The following PPFIA3 variants were observed in gnomAD, a reference collection of about 807,000 sequenced individuals.
PPFIA3 encodes the protein PPFI scaffold protein A3, also known as liprin-alpha-3.
Under a neutral mutation model 145.8 loss-of-function variants are expected in PPFIA3, and 26 were observed. The ratio of observed to expected loss-of-function variants is 0.18; its 90% CI spans 0.13 to 0.25. PPFIA3 has a LOEUF of 0.25. Among genes scored for constraint, PPFIA3 ranks in the 10% least tolerant of loss-of-function variants. The probability of loss-of-function intolerance (pLI) is 1.00; values close to 1 mark genes in which losing one functional copy is unlikely to be tolerated. For missense variants in PPFIA3, 1,008 were observed against 1,587.8 expected (o/e 0.63, Z 6.21); for synonymous variants, 645 against 661.4 (o/e 0.98, Z 0.38).
chr19:49,124,088 A>G (rs2040968444), intron 1 of PPFIA3, among the ~76,000 whole-genome samples: 2 of 151,908 alleles, frequency 1.3e-5, no homozygotes, highest in Admixed American at 6.6e-5. Flanking sequence ...AGACACTTGT[A>G]AGTTCCAAGC....
At chr19:49,125,657 G>A (rs926442568) in intron 1 of PPFIA3, among the ~76,000 whole-genome samples, 5 of 152,226 alleles carry the variant, frequency 3.3e-5, no homozygotes, top group Admixed American at 2.0e-4. Flanking sequence ...GGGCCTGGGG[G>A]AGGAGGAGCC....
intron 7 of PPFIA3, 145 bp from the exon 8 acceptor site, chr19:49,132,855 TG>T: frequency 1.0e-6 from 1 of 1,003,048 alleles, no homozygotes. Flanking sequence ...GGACTTAAGA[TG>T]GGCTAGTCCT....
rs1262980718 is a variant in PPFIA3 at position 49,150,123 on chromosome 19, G to A, written c.3570G>A (p.Arg1190=). The change falls in exon 29 of 30, where the codon CGG becomes CGA. Residue 1190 remains arginine, a synonymous_variant. Coordinates refer to ENST00000334186, the MANE Select transcript of PPFIA3 (RefSeq NM_003660.4). ...CCCGGGCAGACGGCGTTTCGGTCCG[G>A]ACCTATTCCTGCTAGTGCAGGCCTC... ...GSSRADGVSV[R]TYSC 1.2e-6 allele frequency: 2 copies of A among 1,611,098 alleles called. No individual in the cohort carries two copies. The highest frequency in any genetic ancestry group is 1.7e-6 in the Non-Finnish European group (2 of 1,179,060).
chr19:49,143,870 GT>G (rs556470104), intron 21 of PPFIA3, among the ~76,000 whole-genome samples: 14 of 151,986 alleles, frequency 9.2e-5, no homozygotes, highest in Admixed American at 3.9e-4. Context: ...ATTTTAAAAA[GT>G]TTTTTTTGAA....
intron 15 of PPFIA3, among the ~76,000 whole-genome samples, chr19:49,137,724 A>G (rs972898426): frequency 6.6e-6 from 1 of 150,976 alleles, no homozygotes; most frequent in Non-Finnish European, 1.5e-5. Flanking sequence ...CAATGGCCAT[A>G]TTCAGCAATT....
Position 49,150,362 on chromosome 19 carries a change from A to T in PPFIA3, c.*140A>T, listed in dbSNP as rs558854375. The T allele has an allele frequency of 1.4e-5, 7 of 490,624 alleles. No individual in the cohort carries two copies. In the East Asian group the frequency reaches 1.7e-4, roughly 12 times the overall value. The allele number at this position is 490,624 out of a possible 1,614,324, so 30.4% of individuals were successfully genotyped here. A position where few individuals can be genotyped will look rare whatever the true frequency, so the allele number is the denominator to read the frequency against. On this transcript the variant is annotated 3_prime_UTR_variant, in exon 30 of 30. Coordinates refer to ENST00000334186, the MANE Select transcript of PPFIA3 (RefSeq NM_003660.4). Reference sequence around the variant, plus strand: ...GAGGACTGGACCATCTGTACAGACCAGCGGGAGTGCGCGCGCCCGCCTCGC... The same window carrying T: ...GAGGACTGGACCATCTGTACAGACCTGCGGGAGTGCGCGCGCCCGCCTCGC...
In PPFIA3 at chr19:49,150,139, T is replaced by C; in HGVS notation, c.*1T>C. 6.2e-7 allele frequency: 1 copy of C among 1,609,276 alleles called. No homozygotes were observed. The highest frequency in any genetic ancestry group is 8.5e-7 in the Non-Finnish European group (1 of 1,178,252). On this transcript the variant is annotated 3_prime_UTR_variant, in exon 29 of 30. Transcript: ENST00000334186. ...TTCGGTCCGGACCTATTCCTGCTAG[T>C]GCAGGCCTCCAGGTGAGGACCGTGC...
chr19:49,147,941 A>G, intron 23 of PPFIA3, 142 bp from the exon 24 acceptor site: 2 of 826,934 alleles, frequency 2.4e-6, no homozygotes, highest in Non-Finnish European at 3.8e-6. Context: ...GGATTGGTCC[A>G]TTATCCTGAG....
chr19:49,141,462 G>A lies in PPFIA3; in HGVS notation c.2411G>A (p.Gly804Glu). The change falls in exon 19 of 30, where the codon GGG (glycine) becomes GAG (glutamate). Residue 804 changes from glycine to glutamate, a missense_variant. This residue lies in a region of PPFIA3 where 154 missense variants were observed against 369.2 expected (regional missense o/e 0.42). Coordinates refer to ENST00000334186, the MANE Select transcript of PPFIA3 (RefSeq NM_003660.4). The stretch of plus-strand genomic sequence containing the variant: ...GAGACACTGGCCACTGACCCTCTGG[G>A]GCTAGCCAAGCTGACAGGCCCAGGA... The part of the protein sequence containing the change: ...SDETLATDPL[G>E]LAKLTGPGDK... 5 of 1,614,078 alleles carry A rather than the reference G, an allele frequency of 3.1e-6. No individual in the cohort carries two copies. Among genetic ancestry groups the A allele is most frequent in the Non-Finnish European group, 2.5e-6 (3 of 1,180,004 alleles).
intron 18 of PPFIA3, among the ~76,000 whole-genome samples, chr19:49,140,543 G>T (rs2041206928): frequency 6.7e-6 from 1 of 150,018 alleles, no homozygotes; most frequent in Non-Finnish European, 1.5e-5. Context: ...TAGAGATAGG[G>T]TTTCCTCATG....
intron 7 of PPFIA3, 95 bp from the exon 8 acceptor site, chr19:49,132,906 C>A: frequency 6.7e-7 from 1 of 1,498,876 alleles, no homozygotes. Context: ...TTCTGACTCC[C>A]ATGTCAGGGC....
intron 1 of PPFIA3, among the ~76,000 whole-genome samples, chr19:49,126,481 C>T (rs28605919): frequency 1.3e-5 from 2 of 151,200 alleles, no homozygotes; most frequent in Admixed American, 1.3e-4. Context: ...GAACTCCTGA[C>T]CTCAAGTGAT....
rs2041321097 is a variant in PPFIA3 at position 49,149,593 on chromosome 19, T to C, written c.3401T>C (p.Phe1134Ser). The C allele has an allele frequency of 6.2e-7, 1 of 1,614,034 alleles. No individual in the cohort carries two copies. Among genetic ancestry groups the C allele is most frequent in the Non-Finnish European group, 8.5e-7 (1 of 1,180,038 alleles). ...CGCTCCCCATCCTGGCGGAAGATGTTCCGGGAGAAGGACCTCCGAGGCGTA... is the reference window on the plus strand; with the variant it reads ...CGCTCCCCATCCTGGCGGAAGATGTCCCGGGAGAAGGACCTCCGAGGCGTA... The part of the protein sequence containing the change: ...FSRSPSWRKM[F>S]REKDLRGVTP... Residue 1134 changes from phenylalanine (F) to serine (S), a missense_variant, in exon 28 of 30, where the codon TTC becomes TCC. Phe to Ser is a radical substitution (Grantham distance 155). Transcript: ENST00000334186. The surrounding 1 kb of genome is among the most constrained non-coding windows in gnomAD (Gnocchi z 5.7).
Position 49,130,285 on chromosome 19 carries a change from T to G in PPFIA3, c.658-93T>G. 7.6e-7 allele frequency: 1 copy of G among 1,307,396 alleles called. No individual in the cohort carries two copies. 81.0% of individuals were successfully genotyped at this position (1,307,396 alleles called of 1,614,324 possible). On this transcript the variant is annotated intron_variant, in intron 6 of 29. Coordinates refer to ENST00000334186, the MANE Select transcript of PPFIA3 (RefSeq NM_003660.4). This position sits in a 1 kb window ranked among gnomAD's most constrained non-coding sequence, Gnocchi z 4.5. Reference sequence around the variant, plus strand: ...GACCAGCATGATCCTTATTGATCTTTGATCTACTTTCAGCTGATTGACTTT... The same window carrying G: ...GACCAGCATGATCCTTATTGATCTTGGATCTACTTTCAGCTGATTGACTTT...
chr19:49,141,735 A>G (rs2041226355), intron 19 of PPFIA3, among the ~76,000 whole-genome samples: 1 of 151,374 alleles, frequency 6.6e-6, no homozygotes, highest in South Asian at 2.1e-4. Flanking sequence ...AGGAGCTCCT[A>G]GAGTTTTTAT....
rs765997744 is a variant in PPFIA3, at chr19:49,148,124, C to T, written c.2877C>T (p.Asn959=). 5.4e-5 allele frequency: 87 copies of T among 1,613,812 alleles called. No homozygotes were observed. The highest frequency in any genetic ancestry group is 6.7e-5 in the Non-Finnish European group (79 of 1,179,922). ...YGDMNHEWVG[N]DWLPSLGLPQ... is the part of the protein sequence containing the mutation. ...ACATGAACCACGAGTGGGTGGGGAA[C>T]GACTGGCTGCCCAGCCTGGGGCTGC... The change falls in exon 24 of 30, where the codon AAC becomes AAT. Residue 959 remains asparagine, a synonymous_variant. Transcript: ENST00000334186.
chr19:49,148,870 C>T, intron 25 of PPFIA3, 107 bp downstream of exon 25: 1 of 1,480,508 alleles, frequency 6.8e-7, no homozygotes, highest in Non-Finnish European at 9.0e-7. Flanking sequence ...GCACCATAAC[C>T]GTGGGGGTGG....
At position 49,130,130 on chromosome 19, in the gene PPFIA3, T is replaced by C. The variant is rs2041050853; in HGVS notation, c.657+63T>C. On this transcript the variant is annotated intron_variant, in intron 6 of 29. Coordinates refer to ENST00000334186, the MANE Select transcript of PPFIA3 (RefSeq NM_003660.4). This position sits in a 1 kb window ranked among gnomAD's most constrained non-coding sequence, Gnocchi z 4.5. The stretch of plus-strand genomic sequence containing the variant: ...AACTCCCTGACTTTGTGATAGTGTT[T>C]GTAACGTTTGGTATCATCCTCACTG... 4 of 1,525,108 alleles carry C rather than the reference T, an allele frequency of 2.6e-6. No individual in the cohort carries two copies. The highest frequency in any genetic ancestry group is 1.4e-5 in the African/African-American group (1 of 72,050). The allele number at this position is 1,525,108 out of a possible 1,614,324, so 94.5% of individuals were successfully genotyped here. A position where few individuals can be genotyped will look rare whatever the true frequency, so the allele number is the denominator to read the frequency against.
intron 24 of PPFIA3, 84 bp from the exon 25 acceptor site, chr19:49,148,582 G>A (rs2041305995): frequency 4.6e-6 from 5 of 1,092,892 alleles, no homozygotes; most frequent in Admixed American, 2.0e-5. Context: ...CAAGAAGAGC[G>A]CAGCCAGTGG....
Sources: allele counts gnomAD v4.1 joint callset (sites outside exome capture counted in the v4.1 genomes callset), GRCh38; gene constraint gnomAD v4.1.1; regional missense constraint gnomAD v4.1.1; non-coding constraint Gnocchi (gnomAD v3.1); transcripts MANE v1.5; gene names NCBI Gene and HGNC (gene_info 2026-07-23, HGNC 2026-07-21).